Variants in GALNT18 observed in about 807,000 individuals in gnomAD.
GALNT18 encodes the protein polypeptide N-acetylgalactosaminyltransferase 18.
GALNT18 carries 44 observed loss-of-function variants against 69.5 expected under a neutral mutation model. The observed-to-expected ratio is 0.63, with a 90% CI of 0.50 to 0.81. The LOEUF (loss-of-function observed/expected upper bound fraction) is 0.81, where lower values mean the gene tolerates loss of function less well. Among genes scored for constraint, GALNT18 ranks in the 40% least tolerant of loss-of-function variants. The probability of loss-of-function intolerance (pLI) is 0.00; values close to 1 mark genes in which losing one functional copy is unlikely to be tolerated. For missense variants in GALNT18, 715 were observed against 810.0 expected (o/e 0.88, Z 1.42); for synonymous variants, 364 against 318.2 (o/e 1.14, Z -1.53).
rs1565046229 is a variant in GALNT18, at chr11:11,620,967, G to T, written c.235+392C>A. On this transcript the variant is annotated intron_variant, in intron 1 of 10. Coordinates refer to ENST00000227756, the MANE Select transcript of GALNT18 (RefSeq NM_198516.3). This position sits in a 1 kb window ranked among gnomAD's most constrained non-coding sequence, Gnocchi z 6.9. ...AGTGGCCAAAAAAGCTCGTTTGCCC[G>T]CGCGTTCCCTCTTGTACACACACAG... Among the ~76,000 whole-genome samples, 1 of 149,990 alleles carries T rather than the reference G, an allele frequency of 6.7e-6. No homozygotes were observed. Among genetic ancestry groups the T allele is most frequent in the South Asian group, 2.2e-4 (1 of 4,646 alleles).
intron 1 of GALNT18, among the ~76,000 whole-genome samples, chr11:11,527,529 G>A (rs913363004): frequency 3.3e-5 from 5 of 152,172 alleles, no homozygotes; most frequent in Non-Finnish European, 4.4e-5. Flanking sequence ...CCACAAAGCA[G>A]TGTCTCTGCC....
intron 1 of GALNT18, among the ~76,000 whole-genome samples, chr11:11,512,613 T>C (rs904442444): frequency 2.0e-5 from 3 of 152,234 alleles, no homozygotes; most frequent in African/African-American, 7.2e-5. Context: ...ATCTACATTA[T>C]AGCTCAGCCC....
chr11:11,493,314 G>T (rs1204565553), intron 1 of GALNT18, among the ~76,000 whole-genome samples: 1 of 150,350 alleles, frequency 6.7e-6, no homozygotes, highest in Non-Finnish European at 1.5e-5. Flanking sequence ...ACCTCAGTAG[G>T]GCAGCTTTTC....
At chr11:11,516,704 C>T (rs1026202057) in intron 1 of GALNT18, among the ~76,000 whole-genome samples, 2 of 152,166 alleles carry the variant, frequency 1.3e-5, no homozygotes, top group African/African-American at 4.8e-5. Flanking sequence ...ATTAATAAGA[C>T]CCATGCTGCA....
intron 9 of GALNT18, among the ~76,000 whole-genome samples, chr11:11,295,572 C>A (rs1849385119): frequency 6.6e-6 from 1 of 152,144 alleles, no homozygotes; most frequent in Non-Finnish European, 1.5e-5. Flanking sequence ...AGGCCACTGG[C>A]AGAACCCAAC....
intron 3 of GALNT18, among the ~76,000 whole-genome samples, chr11:11,398,219 C>T (rs957948464): frequency 2.6e-5 from 4 of 152,156 alleles, no homozygotes; most frequent in Non-Finnish European, 4.4e-5. Context: ...TTTTCCAAAG[C>T]GTGTTCCTTC....
intron 1 of GALNT18, among the ~76,000 whole-genome samples, chr11:11,522,621 G>A (rs1857425688): frequency 6.6e-6 from 1 of 152,186 alleles, no homozygotes. Context: ...CTGCAGAAGA[G>A]CTCAAAGCCT....
At chr11:11,380,490 CAGAAT>C (rs1316403416) in intron 3 of GALNT18, among the ~76,000 whole-genome samples, 2 of 152,226 alleles carry the variant, frequency 1.3e-5, no homozygotes, top group African/African-American at 2.4e-5. Context: ...CTGGGCTATA[CAGAAT>C]AGAAGAAATA....
intron 6 of GALNT18, among the ~76,000 whole-genome samples, chr11:11,365,731 A>G (rs1044712028): frequency 1.1e-4 from 16 of 152,122 alleles, no homozygotes; most frequent in Admixed American, 1.0e-3. Flanking sequence ...TTGCATTTCA[A>G]TAGAGAGTTT....
intron 1 of GALNT18, among the ~76,000 whole-genome samples, chr11:11,547,948 C>T (rs1038024957): frequency 7.2e-5 from 11 of 152,124 alleles, no homozygotes; most frequent in East Asian, 3.9e-4. Flanking sequence ...CCATTCCCTC[C>T]GCCTGAAACT....
intron 1 of GALNT18, among the ~76,000 whole-genome samples, chr11:11,565,752 T>C (rs527961939): frequency 1.3e-5 from 2 of 152,306 alleles, no homozygotes; most frequent in South Asian, 2.1e-4. Flanking sequence ...AATGCACTTG[T>C]GTGGTCAGTG....
intron 1 of GALNT18, among the ~76,000 whole-genome samples, chr11:11,455,517 A>T (rs1855905472): frequency 6.6e-6 from 1 of 152,188 alleles, no homozygotes; most frequent in Non-Finnish European, 1.5e-5. Context: ...CCCAAAGTAG[A>T]GGCCAAGAAG....
At chr11:11,363,782 C>T (rs942511123) in intron 6 of GALNT18, among the ~76,000 whole-genome samples, 3 of 152,104 alleles carry the variant, frequency 2.0e-5, no homozygotes, top group African/African-American at 7.2e-5. Flanking sequence ...TTTTAAATAC[C>T]ATTTCTCACT....
intron 3 of GALNT18, among the ~76,000 whole-genome samples, chr11:11,386,768 G>T: frequency 6.6e-6 from 1 of 152,192 alleles, no homozygotes; most frequent in East Asian, 1.9e-4. Context: ...AAGTGATCCA[G>T]GTAGCAAGTG....
intron 2 of GALNT18, among the ~76,000 whole-genome samples, chr11:11,440,683 T>G (rs1036208716): frequency 1.3e-5 from 2 of 152,270 alleles, no homozygotes; most frequent in Admixed American, 6.5e-5. Context: ...CCCTGTCCCA[T>G]GTGCTCCTTG....
Position 11,444,637 on chromosome 11 carries a change from C to T in GALNT18, c.428+4107G>A, listed in dbSNP as rs1174832944. Among the ~76,000 whole-genome samples the T allele has an allele frequency of 1.3e-5, 2 of 152,088 alleles. No individual in the cohort carries two copies. The highest frequency in any genetic ancestry group is 3.8e-4 in the East Asian group (2 of 5,198). On this transcript the variant is annotated intron_variant, in intron 2 of 10. Coordinates refer to ENST00000227756, the MANE Select transcript of GALNT18 (RefSeq NM_198516.3). The surrounding 1 kb of genome is among the most constrained non-coding windows in gnomAD (Gnocchi z 4.4). Reference sequence around the variant, plus strand: ...CCACATGACAAGCTGGGTCAGATTACATCTTTCAGTACCAAGAAAAAAAGG... The same window carrying T: ...CCACATGACAAGCTGGGTCAGATTATATCTTTCAGTACCAAGAAAAAAAGG...
intron 3 of GALNT18, among the ~76,000 whole-genome samples, chr11:11,390,430 A>T (rs1854159745): frequency 6.6e-6 from 1 of 152,186 alleles, no homozygotes; most frequent in Non-Finnish European, 1.5e-5. Flanking sequence ...TACACCAGGC[A>T]ACCAGTGAGG....
intron 1 of GALNT18, among the ~76,000 whole-genome samples, chr11:11,502,191 T>C (rs796552817): frequency 2.0e-5 from 3 of 152,324 alleles, no homozygotes; most frequent in African/African-American, 7.2e-5. Flanking sequence ...GAATAAGATG[T>C]ATCTCTAAGG....
At chr11:11,312,863 C>T (rs575829077) in intron 9 of GALNT18, among the ~76,000 whole-genome samples, 1 of 152,220 alleles carries the variant, frequency 6.6e-6, no homozygotes, top group South Asian at 2.1e-4. Context: ...CTGTGCCAGG[C>T]GGTGCACTAG....
Sources: allele counts gnomAD v4.1 joint callset (sites outside exome capture counted in the v4.1 genomes callset), GRCh38; gene constraint gnomAD v4.1.1; non-coding constraint Gnocchi (gnomAD v3.1); transcripts MANE v1.5; gene names NCBI Gene and HGNC (gene_info 2026-07-23, HGNC 2026-07-21).